The following ARHGEF3 variants were observed in gnomAD, a reference collection of about 807,000 sequenced individuals.
The protein encoded by ARHGEF3 is 59.8 kDA protein.
A neutral mutation model predicts 63.2 loss-of-function variants in ARHGEF3; 28 were observed. The observed-to-expected ratio is 0.44, with a 90% confidence interval of 0.33 to 0.61. ARHGEF3 has a LOEUF of 0.61. Ranked by LOEUF, ARHGEF3 falls within the 20% of genes least tolerant of loss-of-function variation. ARHGEF3 has a pLI of 0.03. For missense variants in ARHGEF3, 533 were observed against 659.3 expected, an observed-to-expected ratio of 0.81 and a Z score of 2.10; for synonymous variants, 266 against 254.2, an observed-to-expected ratio of 1.05 and a Z score of -0.44.
intron 1 of ARHGEF3, among the ~76,000 whole-genome samples, chr3:56,792,113 A>AAAAAAGAAAAG (rs55899473): frequency 5.1e-4 from 72 of 140,056 alleles, no homozygotes; most frequent in African/African-American, 2.0e-3. Flanking sequence ...CAAAAAAAAA[A>AAAAAAGAAAAG]AAAAGAAAAG....
intron 3 of ARHGEF3, among the ~76,000 whole-genome samples, chr3:56,958,177 G>A (rs1309801598): frequency 6.6e-6 from 1 of 151,864 alleles, no homozygotes; most frequent in African/African-American, 2.4e-5. Context: ...TTGTACACTG[G>A]TTCCCTCCAG....
At chr3:56,869,060 C>A (rs2040349685) in intron 4 of ARHGEF3, among the ~76,000 whole-genome samples, 1 of 152,078 alleles carries the variant, frequency 6.6e-6, no homozygotes, top group African/African-American at 2.4e-5. Context: ...TCCCTTTCCT[C>A]TGCCAAATAA....
intron 2 of ARHGEF3, among the ~76,000 whole-genome samples, chr3:57,017,011 C>CTG (rs1220284629): frequency 5.3e-5 from 5 of 94,620 alleles, no homozygotes; most frequent in Non-Finnish European, 1.2e-4. Flanking sequence ...CTCTGTCTCT[C>CTG]TCTCTCTCTC....
chr3:56,916,054 G>A (rs76409285), intron 3 of ARHGEF3, among the ~76,000 whole-genome samples: 10,581 of 152,170 alleles, frequency 0.07, 422 homozygotes, highest in South Asian at 0.14. Context: ...ACGCCACTCA[G>A]CTCACCCTCG....
intron 9 of ARHGEF3, among the ~76,000 whole-genome samples, chr3:56,730,132 T>G (rs2033030015): frequency 6.6e-6 from 1 of 152,168 alleles, no homozygotes; most frequent in Admixed American, 6.5e-5. Flanking sequence ...CTAAAAGTCG[T>G]TTCATAATCT....
At chr3:56,809,495 T>G (rs1453775442) in intron 4 of ARHGEF3, among the ~76,000 whole-genome samples, 1 of 152,156 alleles carries the variant, frequency 6.6e-6, no homozygotes, top group Non-Finnish European at 1.5e-5. Flanking sequence ...ATGCACAGTT[T>G]GTATAAACAA....
At chr3:56,833,923 C>CG (rs556483077) in intron 4 of ARHGEF3, among the ~76,000 whole-genome samples, 2 of 150,628 alleles carry the variant, frequency 1.3e-5, no homozygotes, top group South Asian at 2.1e-4. Context: ...TGTTTTCCCC[C>CG]CCCAATTTTT....
At chr3:56,741,602 C>T (rs2034042127) in intron 7 of ARHGEF3, among the ~76,000 whole-genome samples, 1 of 137,948 alleles carries the variant, frequency 7.2e-6, no homozygotes, top group African/African-American at 2.7e-5. Context: ...CTCCCAGGTT[C>T]ACACCATTCT....
intron 2 of ARHGEF3, among the ~76,000 whole-genome samples, chr3:56,981,648 C>T (rs1469561851): frequency 4.6e-5 from 7 of 152,240 alleles, no homozygotes; most frequent in African/African-American, 1.7e-4. Context: ...AAACAGATCA[C>T]AAGCTGGAAG....
intron 1 of ARHGEF3, among the ~76,000 whole-genome samples, chr3:57,054,287 T>C (rs1704806827): frequency 6.6e-6 from 1 of 152,120 alleles, no homozygotes; most frequent in Non-Finnish European, 1.5e-5. Context: ...TGTGGTCATT[T>C]GGATATTCAT....
At chr3:56,854,012 G>C (rs535100106) in intron 4 of ARHGEF3, among the ~76,000 whole-genome samples, 1 of 152,058 alleles carries the variant, frequency 6.6e-6, no homozygotes, top group African/African-American at 2.4e-5. Context: ...TGGCTAACAC[G>C]GTGAAACCCC....
intron 1 of ARHGEF3, among the ~76,000 whole-genome samples, chr3:57,053,780 T>C (rs1170856373): frequency 6.6e-6 from 1 of 152,212 alleles, no homozygotes; most frequent in Non-Finnish European, 1.5e-5. Flanking sequence ...GTCCCTGGCT[T>C]CTTCCAGTCA....
intron 2 of ARHGEF3, among the ~76,000 whole-genome samples, chr3:57,015,889 G>T (rs546789120): frequency 6.6e-6 from 1 of 152,100 alleles, no homozygotes; most frequent in Admixed American, 6.5e-5. Flanking sequence ...GACAAGTCTT[G>T]TTCCCACCAA....
chr3:56,920,539 A>G (rs1191707165), intron 3 of ARHGEF3, among the ~76,000 whole-genome samples: 2 of 152,242 alleles, frequency 1.3e-5, no homozygotes, highest in African/African-American at 2.4e-5. Flanking sequence ...AGATTTTAGC[A>G]GAATTACTTC....
intron 2 of ARHGEF3, among the ~76,000 whole-genome samples, chr3:56,967,424 TATATATTATATA>T (rs1167544598): frequency 3.2e-4 from 26 of 82,184 alleles, no homozygotes; most frequent in Admixed American, 7.1e-4. Flanking sequence ...TTATACATAT[TATATATTATATA>T]ATATATTATA....
intron 3 of ARHGEF3, among the ~76,000 whole-genome samples, chr3:56,936,545 T>C (rs541976842): frequency 2.6e-5 from 4 of 152,326 alleles, no homozygotes; most frequent in Admixed American, 2.0e-4. Context: ...CTTAATAAGA[T>C]GCAAGTAACC....
chr3:56,782,786 T>C (rs974805656), intron 1 of ARHGEF3, among the ~76,000 whole-genome samples: 1 of 152,198 alleles, frequency 6.6e-6, no homozygotes, highest in Non-Finnish European at 1.5e-5. Flanking sequence ...TTCGGGCTGC[T>C]GGATTGAGAC....
rs912968118 is a variant in ARHGEF3, at chr3:56,944,497, T to C, written c.129+14326A>G. Among the ~76,000 whole-genome samples, 6 of 151,196 alleles carry C rather than the reference T, an allele frequency of 4.0e-5. No individual in the cohort carries two copies. The East Asian group carries it at 1.2e-3, about 30-fold the overall frequency. ...GTAGAGCCTGAAAATGTGACTGAATTGCTGCAGTCTCATGATAAAGCTTGA... is the reference window on the plus strand; with the variant it reads ...GTAGAGCCTGAAAATGTGACTGAATCGCTGCAGTCTCATGATAAAGCTTGA... On this transcript the variant is annotated intron_variant, in intron 3 of 12. Coordinates refer to the ARHGEF3 transcript ENST00000338458.
chr3:56,783,493 T>G (rs2036658798), intron 1 of ARHGEF3, among the ~76,000 whole-genome samples: 1 of 152,186 alleles, frequency 6.6e-6, no homozygotes, highest in East Asian at 1.9e-4. Flanking sequence ...TTACCTTCAT[T>G]CTTCTTGGTA....
Sources: allele counts gnomAD v4.1 joint callset (sites outside exome capture counted in the v4.1 genomes callset), GRCh38; gene constraint gnomAD v4.1.1; transcripts MANE v1.5; gene names NCBI Gene and HGNC (gene_info 2026-07-23, HGNC 2026-07-21).